Variants in HPSE2 observed in about 807,000 individuals in gnomAD.
HPSE2 encodes inactive heparanase-2.
A neutral mutation model predicts 60.5 loss-of-function variants in HPSE2; 38 were observed. The observed-to-expected ratio is 0.63, with a 90% CI of 0.48 to 0.82. The LOEUF (loss-of-function observed/expected upper bound fraction) is 0.82, where lower values mean the gene tolerates loss of function less well. HPSE2 is among the 40% of genes least tolerant of loss of function. HPSE2 has a pLI of 0.00. For synonymous variants in HPSE2, 295 were observed against 293.2 expected (o/e 1.01, Z -0.06); for missense variants, 713 against 740.4 (o/e 0.96, Z 0.43).
At chr10:98,550,289 A>AT (rs71007399) in intron 9 of HPSE2, among the ~76,000 whole-genome samples, 15 of 145,556 alleles carry the variant, frequency 1.0e-4, no homozygotes, top group African/African-American at 2.3e-4. Context: ...AATGCTTAGC[A>AT]TTTTTTTTTT....
chr10:99,046,327 T>C lies in HPSE2; in HGVS notation c.610+97911A>G, dbSNP rs373676652. 3.9e-5 allele frequency among the ~76,000 whole-genome samples: 6 copies of C among 152,214 alleles called. 1 individual carries two copies. The East Asian group carries it at 7.7e-4, about 20-fold the overall frequency. ...CAACAAACTAAGCACTGAAGGAACA[T>C]ACCTCAAAATAGTAAGAGCTATATA... On this transcript the variant is annotated intron_variant, in intron 3 of 11. Coordinates refer to ENST00000370552, the MANE Select transcript of HPSE2 (RefSeq NM_021828.5).
intron 6 of HPSE2, among the ~76,000 whole-genome samples, chr10:98,656,430 A>G (rs1257310169): frequency 6.6e-6 from 1 of 152,168 alleles, no homozygotes; most frequent in South Asian, 2.1e-4. Flanking sequence ...AGATTGATAA[A>G]TCATTGCTGT....
At chr10:98,771,934 T>G (rs1454256063) in intron 3 of HPSE2, among the ~76,000 whole-genome samples, 1 of 152,148 alleles carries the variant, frequency 6.6e-6, no homozygotes, top group Non-Finnish European at 1.5e-5. Flanking sequence ...GACAGAAGAT[T>G]CATCAGAGGA....
At chr10:98,564,340 T>C (rs755626713) in intron 9 of HPSE2, among the ~76,000 whole-genome samples, 23 of 152,222 alleles carry the variant, frequency 1.5e-4, no homozygotes, top group Non-Finnish European at 2.2e-4. Flanking sequence ...TCTTTAAATA[T>C]GTGTAATAGT....
intron 3 of HPSE2, chr10:99,048,162 T>A (rs994636265): frequency 1.4e-6 from 1 of 739,206 alleles, no homozygotes. Flanking sequence ...AACCCTTTGA[T>A]TGCTTGATCT....
chr10:98,990,765 G>A (rs538421950), intron 3 of HPSE2, among the ~76,000 whole-genome samples: 3 of 152,302 alleles, frequency 2.0e-5, no homozygotes, highest in Non-Finnish European at 4.4e-5. Context: ...GGACATTGGA[G>A]ACATTGTTAG....
intron 9 of HPSE2, among the ~76,000 whole-genome samples, chr10:98,507,180 G>A (rs78767756): frequency 0.048 from 7,282 of 152,240 alleles, 225 homozygotes; most frequent in African/African-American, 0.078. Context: ...GGGAAATGGG[G>A]TAGTAAGGTA....
At chr10:99,085,361 T>C (rs566788410) in intron 3 of HPSE2, among the ~76,000 whole-genome samples, 79 of 152,344 alleles carry the variant, frequency 5.2e-4, no homozygotes, top group African/African-American at 1.8e-3. Context: ...CCCAGCACCA[T>C]AGTGTGCCAC....
chr10:98,602,843 C>G (rs1043604524), intron 9 of HPSE2, among the ~76,000 whole-genome samples: 24 of 152,102 alleles, frequency 1.6e-4, no homozygotes, highest in African/African-American at 5.6e-4. Context: ...AGAGCTACAA[C>G]TATACAAATT....
At position 98,520,465 on chromosome 10, in the gene HPSE2, G is replaced by A. The variant is rs17110129; in HGVS notation, c.1321-30269C>T. ...AACCTCACATTTCACGTTTTTAAGCGTAGACTATACTGTCTATGCTTTCAC... is the reference window on the plus strand; with the variant it reads ...AACCTCACATTTCACGTTTTTAAGCATAGACTATACTGTCTATGCTTTCAC... On this transcript the variant is annotated intron_variant, in intron 9 of 11. Transcript: ENST00000370552. 5.9e-3 allele frequency among the ~76,000 whole-genome samples: 896 copies of A among 152,228 alleles called. 7 individuals carry two copies. The highest frequency in any genetic ancestry group is 0.02 in the African/African-American group (851 of 41,542).
At chr10:98,541,721 A>G (rs1943468963) in intron 9 of HPSE2, among the ~76,000 whole-genome samples, 1 of 152,202 alleles carries the variant, frequency 6.6e-6, no homozygotes, top group African/African-American at 2.4e-5. Flanking sequence ...GATTGCTAGC[A>G]CAGCAGTCTG....
chr10:98,813,558 T>C (rs1951216147), intron 3 of HPSE2, among the ~76,000 whole-genome samples: 1 of 152,186 alleles, frequency 6.6e-6, no homozygotes, highest in Admixed American at 6.6e-5. Context: ...CCAGATCAAT[T>C]AAAGGGATGT....
chr10:98,538,431 G>A (rs956862525), intron 9 of HPSE2, among the ~76,000 whole-genome samples: 27 of 152,220 alleles, frequency 1.8e-4, no homozygotes, highest in African/African-American at 6.5e-4. Flanking sequence ...ATTTAGGAAT[G>A]TATTTATTGG....
At chr10:98,964,354 G>A (rs1041302656) in intron 3 of HPSE2, among the ~76,000 whole-genome samples, 1 of 152,066 alleles carries the variant, frequency 6.6e-6, no homozygotes, top group Non-Finnish European at 1.5e-5. Context: ...GAATTAAATT[G>A]AACTACTTGG....
At chr10:98,987,885 C>T (rs1161467747) in intron 3 of HPSE2, among the ~76,000 whole-genome samples, 1 of 151,938 alleles carries the variant, frequency 6.6e-6, no homozygotes, top group East Asian at 1.9e-4. Flanking sequence ...GAGTGAACTC[C>T]CATTCACAAT....
At chr10:98,558,991 T>C (rs1414897125) in intron 9 of HPSE2, among the ~76,000 whole-genome samples, 2 of 152,154 alleles carry the variant, frequency 1.3e-5, no homozygotes, top group Non-Finnish European at 2.9e-5. Flanking sequence ...TCTAGGCATC[T>C]GAGTTTGTGT....
At position 98,529,143 on chromosome 10, in the gene HPSE2, G is replaced by T. The variant is rs576849557; in HGVS notation, c.1321-38947C>A. 7.9e-4 allele frequency among the ~76,000 whole-genome samples: 120 copies of T among 152,348 alleles called. 1 individual carries two copies. The highest frequency in any genetic ancestry group is 2.8e-3 in the African/African-American group (118 of 41,580). ...CTCAGTGATAGCCTCACACACAGAA[G>T]ATGAATTATGCAAGTAAATTTTCTA... is the stretch of plus-strand genomic sequence containing the variant. On this transcript the variant is annotated intron_variant, in intron 9 of 11. Coordinates refer to ENST00000370552, the MANE Select transcript of HPSE2 (RefSeq NM_021828.5).
At chr10:98,737,145 T>C (rs191578014) in intron 4 of HPSE2, among the ~76,000 whole-genome samples, 1 of 152,184 alleles carries the variant, frequency 6.6e-6, no homozygotes, top group African/African-American at 2.4e-5. Flanking sequence ...CTAAAGCTCT[T>C]AGCTGTGACC....
At chr10:98,657,956 C>T (rs948074127) in intron 6 of HPSE2, among the ~76,000 whole-genome samples, 6 of 152,148 alleles carry the variant, frequency 3.9e-5, no homozygotes, top group Non-Finnish European at 8.8e-5. Context: ...CAGAGTACTT[C>T]GCAGATAACA....
Sources: gnomAD v4.1 joint callset for allele counts (sites outside exome capture counted in the v4.1 genomes callset) on GRCh38, gnomAD v4.1.1 for gene constraint, MANE v1.5 for transcripts, NCBI Gene and HGNC (gene_info 2026-07-23, HGNC 2026-07-21) for gene names.